Variants in PLD5 observed in about 807,000 individuals in gnomAD.
PLD5 encodes phospholipase D family member 5.
Under a neutral mutation model 61.1 loss-of-function variants are expected in PLD5, and 36 were observed. That is an observed-to-expected ratio of 0.59 (90% confidence interval 0.45 to 0.78). The LOEUF is 0.78. PLD5 is among the 30% of genes least tolerant of loss of function. The pLI, the probability that PLD5 is intolerant of heterozygous loss-of-function variation, is 0.00. For synonymous variants in PLD5, 243 were observed against 242.8 expected, an observed-to-expected ratio of 1.00 and a Z score of -0.01; for missense variants, 515 against 644.4, an observed-to-expected ratio of 0.80 and a Z score of 2.17.
rs138304164 is a variant in PLD5, at chr1:242,351,370, G to C, written c.190-3128C>G. Among the ~76,000 whole-genome samples, 939 of 152,266 alleles carry C rather than the reference G, an allele frequency of 6.2e-3. 3 individuals carry two copies. Among genetic ancestry groups the C allele is most frequent in the Non-Finnish European group, 9.8e-3 (668 of 68,024 alleles). Reference sequence around the variant, plus strand: ...TGTGTCCCCACCCAAATCTCATCTTGAATTGTAGTTCACATAATCCCCATG... The same window carrying C: ...TGTGTCCCCACCCAAATCTCATCTTCAATTGTAGTTCACATAATCCCCATG... On this transcript the variant is annotated intron_variant, in intron 1 of 9. Coordinates refer to ENST00000536534, the MANE Select transcript of PLD5 (RefSeq NM_001372062.1).
At chr1:242,437,682 G>A (rs1462189925) in intron 1 of PLD5, among the ~76,000 whole-genome samples, 5 of 99,770 alleles carry the variant, frequency 5.0e-5, no homozygotes, top group African/African-American at 1.1e-4. Flanking sequence ...GCAAGTTTAC[G>A]TCTCAAAAAA....
chr1:242,123,423 C>A (rs1185723602), intron 6 of PLD5, among the ~76,000 whole-genome samples: 1 of 152,182 alleles, frequency 6.6e-6, no homozygotes, highest in Non-Finnish European at 1.5e-5. Flanking sequence ...TGGCCAGAGC[C>A]CCTCGCAGCC....
At chr1:242,390,967 C>T (rs1317856162) in intron 1 of PLD5, among the ~76,000 whole-genome samples, 1 of 151,848 alleles carries the variant, frequency 6.6e-6, no homozygotes, top group Admixed American at 6.6e-5. Flanking sequence ...CTGAGGCAGG[C>T]GGATCACGAG....
intron 5 of PLD5, among the ~76,000 whole-genome samples, chr1:242,174,756 G>A (rs532473360): frequency 6.6e-6 from 1 of 152,038 alleles, no homozygotes; most frequent in African/African-American, 2.4e-5. Context: ...GTAGGGACAT[G>A]GATGAAGCTG....
intron 4 of PLD5, among the ~76,000 whole-genome samples, chr1:242,229,779 C>T (rs944542494): frequency 1.3e-5 from 2 of 151,976 alleles, no homozygotes; most frequent in Admixed American, 1.3e-4. Flanking sequence ...TTTCTAGATT[C>T]CTTGGGATTC....
intron 5 of PLD5, among the ~76,000 whole-genome samples, chr1:242,138,961 T>C (rs1384659865): frequency 6.6e-6 from 1 of 152,204 alleles, no homozygotes; most frequent in African/African-American, 2.4e-5. Context: ...CTTTTTCTAT[T>C]TTTCATGCTA....
chr1:242,368,656 C>A (rs770826953), intron 1 of PLD5, among the ~76,000 whole-genome samples: 1 of 152,148 alleles, frequency 6.6e-6, no homozygotes, highest in Non-Finnish European at 1.5e-5. Context: ...GGGTTCTCTG[C>A]CTGAGCTTCT....
At chr1:242,424,624 T>C (rs1665318406) in intron 1 of PLD5, among the ~76,000 whole-genome samples, 1 of 152,150 alleles carries the variant, frequency 6.6e-6, no homozygotes, top group Admixed American at 6.5e-5. Flanking sequence ...CCATATCACC[T>C]GAGAAGTATC....
chr1:242,368,857 T>C (rs957010744), intron 1 of PLD5, among the ~76,000 whole-genome samples: 2 of 152,184 alleles, frequency 1.3e-5, no homozygotes, highest in African/African-American at 4.8e-5. Context: ...TAGAAGAGAA[T>C]TAATTTCTTG....
At chr1:242,124,013 A>T (rs1276052974) in intron 6 of PLD5, among the ~76,000 whole-genome samples, 1 of 152,150 alleles carries the variant, frequency 6.6e-6, no homozygotes, top group African/African-American at 2.4e-5. Context: ...ATACACTGAG[A>T]TTCCCTCAGA....
At chr1:242,391,623 G>A (rs1037357200) in intron 1 of PLD5, among the ~76,000 whole-genome samples, 2 of 152,180 alleles carry the variant, frequency 1.3e-5, no homozygotes, top group Non-Finnish European at 2.9e-5. Context: ...AGTTTCCACA[G>A]GGTTTCCGAG....
chr1:242,389,679 A>G (rs2580237), intron 1 of PLD5, among the ~76,000 whole-genome samples: 69,065 of 151,614 alleles, frequency 0.46, 15,987 homozygotes, highest in East Asian at 0.58. Context: ...ATGATATAAG[A>G]AAGGCCAAAC....
intron 6 of PLD5, among the ~76,000 whole-genome samples, chr1:242,119,867 T>C (rs1662233128): frequency 6.6e-6 from 1 of 152,186 alleles, no homozygotes; most frequent in South Asian, 2.1e-4. Flanking sequence ...TAAAAACCTG[T>C]ACATGAATAT....
intron 3 of PLD5, among the ~76,000 whole-genome samples, chr1:242,284,412 C>T (rs549702543): frequency 1.3e-5 from 2 of 152,030 alleles, no homozygotes; most frequent in Admixed American, 6.6e-5. Flanking sequence ...GCTGGTATTA[C>T]AGGCCACCAC....
At chr1:242,176,840 G>A (rs773259626) in intron 5 of PLD5, among the ~76,000 whole-genome samples, 1 of 152,130 alleles carries the variant, frequency 6.6e-6, no homozygotes, top group Non-Finnish European at 1.5e-5. Flanking sequence ...ATCATCACTG[G>A]TCATCAAATA....
chr1:242,524,372 C>CGGAGGT lies in PLD5; in HGVS notation c.-102_-97dup. On this transcript the variant is annotated 5_prime_UTR_variant, in exon 1 of 10. Transcript: ENST00000536534. Reference sequence around the variant, plus strand: ...GGCGAGCGGGAGGCCCAGCGGGAGCCGGAGGTGGAGCTGGAGACTGAGCTG... The same window carrying CGGAGGT: ...GGCGAGCGGGAGGCCCAGCGGGAGCCGGAGGTGGAGGTGGAGCTGGAGACTGAGCTG... The CGGAGGT allele has an allele frequency of 8.3e-7, 1 of 1,203,734 alleles. No homozygotes were observed. The allele number at this position is 1,203,734 out of a possible 1,614,324, so 74.6% of individuals were successfully genotyped here.
chr1:242,390,732 G>C (rs1662877705), intron 1 of PLD5, among the ~76,000 whole-genome samples: 2 of 152,076 alleles, frequency 1.3e-5, no homozygotes. Flanking sequence ...TCCCTGATCA[G>C]ACCCACTGAA....
intron 1 of PLD5, among the ~76,000 whole-genome samples, chr1:242,520,144 T>C (rs1669234275): frequency 6.6e-6 from 1 of 152,116 alleles, no homozygotes. Flanking sequence ...GTCATATGAA[T>C]GGATGATTTC....
At chr1:242,305,960 G>T (rs1449857307) in intron 2 of PLD5, among the ~76,000 whole-genome samples, 1 of 152,154 alleles carries the variant, frequency 6.6e-6, no homozygotes, top group Non-Finnish European at 1.5e-5. Context: ...TGGAAAGGGG[G>T]GGAAGTCCAT....
Sources: allele counts gnomAD v4.1 joint callset (sites outside exome capture counted in the v4.1 genomes callset), GRCh38; gene constraint gnomAD v4.1.1; transcripts MANE v1.5; gene names NCBI Gene and HGNC (gene_info 2026-07-23, HGNC 2026-07-21).